GRAMD2B: variants seen among roughly 807,000 people sequenced by gnomAD.
The protein encoded by GRAMD2B is GRAM domain-containing protein 2B.
Under a neutral mutation model 59.2 loss-of-function variants are expected in GRAMD2B, and 41 were observed. That is an observed-to-expected ratio of 0.69 (90% CI 0.54 to 0.90). The LOEUF is 0.90. Among genes scored for constraint, GRAMD2B ranks in the 40% least tolerant of loss-of-function variants. The pLI, the probability that GRAMD2B is intolerant of heterozygous loss-of-function variation, is 0.00. For missense variants in GRAMD2B, 424 were observed against 500.5 expected, an observed-to-expected ratio of 0.85 and a Z score of 1.46; for synonymous variants, 161 against 182.7, an observed-to-expected ratio of 0.88 and a Z score of 0.96.
chr5:126,454,118 G>A (rs1765852049), intron 1 of GRAMD2B, among the ~76,000 whole-genome samples: 1 of 152,176 alleles, frequency 6.6e-6, no homozygotes, highest in South Asian at 2.1e-4. Context: ...TGATATAAGT[G>A]CGGCCAAGGT....
chr5:126,420,751 T>G (rs145414147), upstream of GRAMD2B, among the ~76,000 whole-genome samples: 3 of 152,196 alleles, frequency 2.0e-5, no homozygotes, highest in East Asian at 3.9e-4. Context: ...CCAAAAGAAA[T>G]GAAATCAGGG....
At chr5:126,399,520 T>C (rs1331454396) in intron 1 of GRAMD2B, among the ~76,000 whole-genome samples, 1 of 152,182 alleles carries the variant, frequency 6.6e-6, no homozygotes, top group East Asian at 1.9e-4. Context: ...TCCCACCATG[T>C]AAGACATGTC....
exon 1 of GRAMD2B, chr5:126,360,207 A>G (rs1754157624): frequency 5.4e-6 from 6 of 1,112,756 alleles, no homozygotes; most frequent in Non-Finnish European, 7.7e-6. Context: ...CTTCTGAGAT[A>G]GCACTTGTGA....
Position 126,480,536 on chromosome 5 carries a change from G to C in GRAMD2B, c.654+9G>C. The C allele has an allele frequency of 6.2e-7, 1 of 1,610,580 alleles. No individual in the cohort carries two copies. The highest frequency in any genetic ancestry group is 1.1e-5 in the South Asian group (1 of 91,004). On this transcript the variant is annotated intron_variant, in intron 7 of 13. Coordinates refer to ENST00000285689, the MANE Select transcript of GRAMD2B (RefSeq NM_023927.4). ...TGTGTGGACACTTAGAAGTGAGTAT[G>C]ATGTCCCTGAGCCTCAATTACTGTC...
chr5:126,368,816 C>T (rs1035006231), upstream of GRAMD2B, among the ~76,000 whole-genome samples: 1 of 152,174 alleles, frequency 6.6e-6, no homozygotes, highest in Non-Finnish European at 1.5e-5. Flanking sequence ...TGTTTAACTA[C>T]GTCAGTATGC....
chr5:126,481,311 A>G (rs1272637500), intron 8 of GRAMD2B, among the ~76,000 whole-genome samples: 1 of 152,024 alleles, frequency 6.6e-6, no homozygotes, highest in Non-Finnish European at 1.5e-5. Flanking sequence ...ATTCCCTTAG[A>G]CTTTGTAAAC....
At chr5:126,472,455 C>A in intron 4 of GRAMD2B, 151 bp downstream of exon 4, 1 of 614,564 alleles carries the variant, frequency 1.6e-6, no homozygotes, top group Non-Finnish European at 2.9e-6. Context: ...CAGCTTCAGT[C>A]AGCTTTCACC....
intron 1 of GRAMD2B, among the ~76,000 whole-genome samples, chr5:126,453,620 C>T (rs1273269694): frequency 6.6e-6 from 1 of 152,154 alleles, no homozygotes; most frequent in Non-Finnish European, 1.5e-5. Context: ...TTGTTATTTT[C>T]CAACTGTGCT....
intron 1 of GRAMD2B, among the ~76,000 whole-genome samples, chr5:126,363,413 G>A (rs997145703): frequency 6.6e-6 from 1 of 152,166 alleles, no homozygotes; most frequent in African/African-American, 2.4e-5. Context: ...AAGTTTGTCA[G>A]TTCCTCAAAA....
chr5:126,370,265 G>C (rs1438677242), upstream of GRAMD2B, among the ~76,000 whole-genome samples: 1 of 152,216 alleles, frequency 6.6e-6, no homozygotes, highest in Non-Finnish European at 1.5e-5. Context: ...ACAGCATGTA[G>C]AGCAGCACAG....
At chr5:126,461,975 G>C (rs1767455226) in intron 1 of GRAMD2B, among the ~76,000 whole-genome samples, 1 of 152,202 alleles carries the variant, frequency 6.6e-6, no homozygotes, top group South Asian at 2.1e-4. Context: ...AACCTGCCAA[G>C]GCCAAGTAAA....
chr5:126,403,799 T>C (rs1015401698), intron 1 of GRAMD2B, among the ~76,000 whole-genome samples: 13 of 151,888 alleles, frequency 8.6e-5, no homozygotes, highest in Non-Finnish European at 1.8e-4. Context: ...TTCACAAAGG[T>C]CAGAAAGATT....
At chr5:126,417,606 A>G (rs1422598345) in intron 1 of GRAMD2B, among the ~76,000 whole-genome samples, 1 of 152,236 alleles carries the variant, frequency 6.6e-6, no homozygotes, top group East Asian at 1.9e-4. Flanking sequence ...CCACAGAACC[A>G]TGAGAGGTAA....
At chr5:126,470,143 G>GCA (rs1392087905) in intron 3 of GRAMD2B, among the ~76,000 whole-genome samples, 1 of 152,132 alleles carries the variant, frequency 6.6e-6, no homozygotes, top group Non-Finnish European at 1.5e-5. Context: ...GTCTGATAAG[G>GCA]CACCTGCCTG....
intron 1 of GRAMD2B, among the ~76,000 whole-genome samples, chr5:126,408,339 C>A (rs1246254125): frequency 6.6e-6 from 1 of 151,944 alleles, no homozygotes; most frequent in Non-Finnish European, 1.5e-5. Flanking sequence ...TTTTCTTTAT[C>A]CAGTCCACCA....
In GRAMD2B at chr5:126,423,466, G is replaced by T; in HGVS notation, c.-141G>T. On this transcript the variant is annotated 5_prime_UTR_variant, in exon 1 of 14. Transcript: ENST00000285689. ...GGCCCCGGGAGCTTGGCGCGGCCCG[G>T]CCTGGATGCGCTGGGCGGAGGGTGC... is the stretch of plus-strand genomic sequence containing the variant. 1 of 1,441,906 alleles carries T rather than the reference G, an allele frequency of 6.9e-7. No homozygotes were observed. 89.3% of individuals were successfully genotyped at this position (1,441,906 alleles called of 1,614,324 possible).
At chr5:126,488,945 T>G in intron 13 of GRAMD2B, 53 bp downstream of exon 13, 1 of 1,354,112 alleles carries the variant, frequency 7.4e-7, no homozygotes, top group Non-Finnish European at 1.1e-6. Context: ...GCCTGTTGGT[T>G]GCCCTAGGTC....
At chr5:126,454,897 T>A (rs1446216024) in intron 1 of GRAMD2B, among the ~76,000 whole-genome samples, 1 of 152,252 alleles carries the variant, frequency 6.6e-6, no homozygotes, top group African/African-American at 2.4e-5. Context: ...TCCTTTGGTT[T>A]TTTTAGATAC....
At chr5:126,447,955 G>C (rs934919462) in intron 1 of GRAMD2B, among the ~76,000 whole-genome samples, 2 of 151,830 alleles carry the variant, frequency 1.3e-5, no homozygotes, top group Non-Finnish European at 2.9e-5. Flanking sequence ...CGCCTCCCAG[G>C]TTCAAGCAAT....
Sources: gnomAD v4.1 joint callset for allele counts (sites outside exome capture counted in the v4.1 genomes callset) on GRCh38, gnomAD v4.1.1 for gene constraint, MANE v1.5 for transcripts, NCBI Gene and HGNC (gene_info 2026-07-23, HGNC 2026-07-21) for gene names.